Variants in ATP13A2 observed in about 807,000 individuals in gnomAD.
ATP13A2 encodes ATPase cation transporting 13A2.
A neutral mutation model predicts 138.3 loss-of-function variants in ATP13A2; 83 were observed. That is an observed-to-expected ratio of 0.60 (90% confidence interval 0.50 to 0.72). ATP13A2 has a LOEUF of 0.72. ATP13A2 is among the 30% of genes least tolerant of loss of function. The pLI is 0.00. For synonymous variants in ATP13A2, 663 were observed against 699.0 expected (o/e 0.95, Z 0.81); for missense variants, 1,402 against 1,606.4 (o/e 0.87, Z 2.17).
At chr1:17,002,272 AC>A in intron 7 of ATP13A2, 23 bp downstream of exon 7, 1 of 1,610,710 alleles carries the variant, frequency 6.2e-7, no homozygotes, top group African/African-American at 1.3e-5. Flanking sequence ...TTCTCAGGGC[AC>A]CCCGGTCCAG....
Position 17,004,967 on chromosome 1 carries a change from G to A in ATP13A2, c.347+47C>T, listed in dbSNP as rs747461353. 6.2e-7 allele frequency: 1 copy of A among 1,612,472 alleles called. No individual in the cohort carries two copies. Among genetic ancestry groups the A allele is most frequent in the Non-Finnish European group, 8.5e-7 (1 of 1,179,520 alleles). ...GCCGAGGGTTGGGGAAGTTGGGGAG[G>A]CCAGGGTAGCAGGGGCTTCTGGGAA... On this transcript the variant is annotated intron_variant, in intron 4 of 28. Coordinates refer to ENST00000326735, the MANE Select transcript of ATP13A2 (RefSeq NM_022089.4). This position sits in a 1 kb window ranked among gnomAD's most constrained non-coding sequence, Gnocchi z 4.1.
chr1:16,986,547 C>A lies in ATP13A2; in HGVS notation c.3321G>T (p.Ala1107=), dbSNP rs751916254. The A allele has an allele frequency of 1.2e-5, 20 of 1,612,394 alleles. No homozygotes were observed. Among genetic ancestry groups the A allele is most frequent in the Non-Finnish European group, 1.5e-5 (18 of 1,179,854 alleles). The change falls in exon 28 of 29, where the codon GCG becomes GCT. Residue 1107 remains alanine (A), a synonymous_variant. Transcript: ENST00000326735. This position sits in a 1 kb window ranked among gnomAD's most constrained non-coding sequence, Gnocchi z 6.9. ...AGCCGGTGTCAGTGATGTTCCTCAG[C>A]GCCAGCGGCCCCTGCAGGAGGCCGG... The part of the protein sequence containing the change: ...LVPGLLQGPL[A]LRNITDTGFK...
intron 8 of ATP13A2, among the ~76,000 whole-genome samples, chr1:17,001,586 G>A (rs2077358347): frequency 6.6e-6 from 1 of 152,186 alleles, no homozygotes; most frequent in South Asian, 2.1e-4. Flanking sequence ...CCAGGTCACT[G>A]GCTTCTCTTT....
At chr1:17,005,638 G>A (rs369237314) in intron 2 of ATP13A2, 46 bp downstream of exon 2, 23 of 1,612,480 alleles carry the variant, frequency 1.4e-5, no homozygotes, top group Non-Finnish European at 1.9e-5. Context: ...GTGGGCCTGG[G>A]CATTCACCCC....
Position 17,011,124 on chromosome 1 carries a change from C to T in ATP13A2, c.10+605G>A, listed in dbSNP as rs549777522. ...CCCGGCAGGTGGGATTTAAATTAGACCCTGGAGGAGTGGGCGTAGGACATC... is the reference window on the plus strand; with the variant it reads ...CCCGGCAGGTGGGATTTAAATTAGATCCTGGAGGAGTGGGCGTAGGACATC... On this transcript the variant is annotated intron_variant, in intron 1 of 28. Transcript: ENST00000326735. This position sits in a 1 kb window ranked among gnomAD's most constrained non-coding sequence, Gnocchi z 7.3. Among the ~76,000 whole-genome samples the T allele has an allele frequency of 8.4e-4, 128 of 152,142 alleles. 1 individual carries two copies. The highest frequency in any genetic ancestry group is 3.0e-3 in the African/African-American group (123 of 41,504).
chr1:16,999,528 T>G (rs1313035801), intron 11 of ATP13A2, among the ~76,000 whole-genome samples: 2 of 152,006 alleles, frequency 1.3e-5, no homozygotes, highest in East Asian at 3.9e-4. Context: ...AAGAAGGAAC[T>G]GAGGCACGGA....
Position 16,996,872 on chromosome 1 carries a change from G to GA in ATP13A2, c.1195+147_1195+148insT, listed in dbSNP as rs1553168857. On this transcript the variant is annotated intron_variant, in intron 12 of 28. Coordinates refer to ENST00000326735, the MANE Select transcript of ATP13A2 (RefSeq NM_022089.4). ...AGATGGGAATGCTCAGACCCCAGATGGGGGGCAACTGGCCCGAGGTCCCAC... is the reference window on the plus strand; with the variant it reads ...AGATGGGAATGCTCAGACCCCAGATGAGGGGGCAACTGGCCCGAGGTCCCAC... 1.0e-5 allele frequency: 10 copies of GA among 965,190 alleles called. No homozygotes were observed. In the Admixed American group the frequency reaches 1.2e-4, roughly 12 times the overall value. 59.8% of individuals were successfully genotyped at this position (965,190 alleles called of 1,614,324 possible).
intron 15 of ATP13A2, among the ~76,000 whole-genome samples, chr1:16,994,197 C>CTCTCTCTCTCTCTCTCATTT (rs762110883): frequency 2.4e-4 from 35 of 147,414 alleles, no homozygotes; most frequent in African/African-American, 7.4e-4. Context: ...CTCTCTCTCT[C>CTCTCTCTCTCTCTCTCATTT]ATTTATTTAT....
At chr1:16,994,197 C>CTCTCTCTCATTTATTT (rs762110883) in intron 15 of ATP13A2, among the ~76,000 whole-genome samples, 2 of 147,414 alleles carry the variant, frequency 1.4e-5, no homozygotes, top group East Asian at 2.1e-4. Flanking sequence ...CTCTCTCTCT[C>CTCTCTCTCATTTATTT]ATTTATTTAT....
chr1:17,004,999 A>G lies in ATP13A2; in HGVS notation c.347+15T>C, dbSNP rs760597434. On this transcript the variant is annotated intron_variant, in intron 4 of 28. Transcript: ENST00000326735. This position sits in a 1 kb window ranked among gnomAD's most constrained non-coding sequence, Gnocchi z 4.1. ...TAGCAGGGGCTTCTGGGAAGGGGCAATGGGGCTGCCTCACCTGCCCTCGCC... is the reference window on the plus strand; with the variant it reads ...TAGCAGGGGCTTCTGGGAAGGGGCAGTGGGGCTGCCTCACCTGCCCTCGCC... 7 of 1,613,642 alleles carry G rather than the reference A, an allele frequency of 4.3e-6. No homozygotes were observed. Among genetic ancestry groups the G allele is most frequent in the Non-Finnish European group, 5.1e-6 (6 of 1,179,952 alleles).
chr1:17,003,585 C>CCACAAA (rs1553171560), intron 6 of ATP13A2, among the ~76,000 whole-genome samples: 1 of 132,988 alleles, frequency 7.5e-6, no homozygotes, highest in Non-Finnish European at 1.6e-5. Flanking sequence ...ACCAAAAAAA[C>CCACAAA]CACACACACA....
intron 20 of ATP13A2, among the ~76,000 whole-genome samples, chr1:16,991,148 A>C (rs987528177): frequency 2.0e-5 from 3 of 151,988 alleles, no homozygotes; most frequent in African/African-American, 7.3e-5. Context: ...ACGGGGTTTC[A>C]CTATGTTGGC....
At chr1:17,005,339 C>T (rs536412257) in intron 3 of ATP13A2, 35 bp downstream of exon 3, 96 of 1,566,294 alleles carry the variant, frequency 6.1e-5, no homozygotes, top group South Asian at 4.6e-5. Context: ...ACCCTCACTG[C>T]GCTTCTCTAG....
chr1:17,008,541 G>A (rs539794334), intron 1 of ATP13A2, among the ~76,000 whole-genome samples: 7 of 152,252 alleles, frequency 4.6e-5, no homozygotes, highest in South Asian at 2.1e-4. Flanking sequence ...TCAGGGGGGC[G>A]TGGCTTCTGC....
rs2100725900 is a variant in ATP13A2 at position 16,989,962 on chromosome 1, G to A, written c.2454C>T (p.Pro818=). The change falls in exon 22 of 29, where the codon CCC becomes CCT. Residue 818 remains proline, a synonymous_variant. Transcript: ENST00000326735. ...QAASYTVEPD[P]RSRHLALSGP... is the part of the protein sequence containing the mutation. ...CGCTGAGGGCCAGGTGCCTGGATCG[G>A]GGGTCTGGCTCCACGGTGTAGCTTG... 6.2e-7 allele frequency: 1 copy of A among 1,607,710 alleles called. No individual in the cohort carries two copies. Among genetic ancestry groups the A allele is most frequent in the African/African-American group, 1.3e-5 (1 of 74,976 alleles).
Position 17,011,903 on chromosome 1 carries a change from A to G in ATP13A2, c.-165T>C, listed in dbSNP as rs1444827042. 6 of 559,028 alleles carry G rather than the reference A, an allele frequency of 1.1e-5. No individual in the cohort carries two copies. In the African/African-American group the frequency reaches 1.2e-4, roughly 11 times the overall value. The allele number at this position is 559,028 out of a possible 1,614,324, so 34.6% of individuals were successfully genotyped here. A position where few individuals can be genotyped will look rare whatever the true frequency, so the allele number is the denominator to read the frequency against. ...CTGACGCGGGCGGGGCACCTGGGCC[A>G]CCAGGCTCGGCGCGGCTCCGACACT... On this transcript the variant is annotated 5_prime_UTR_variant, in exon 1 of 29. Transcript: ENST00000326735. The surrounding 1 kb of genome is among the most constrained non-coding windows in gnomAD (Gnocchi z 7.3).
At position 16,986,679 on chromosome 1, in the gene ATP13A2, C is replaced by G; in HGVS notation, c.3236-47G>C. On this transcript the variant is annotated intron_variant, in intron 27 of 28. Transcript: ENST00000326735. This position sits in a 1 kb window ranked among gnomAD's most constrained non-coding sequence, Gnocchi z 6.9. ...AGGCAGGAGCCACGCCCCCCCGGCA[C>G]CCACAGACACACGTGTGCACGCCAG... 1 of 1,575,180 alleles carries G rather than the reference C, an allele frequency of 6.3e-7. No individual in the cohort carries two copies. The highest frequency in any genetic ancestry group is 8.6e-7 in the Non-Finnish European group (1 of 1,165,080).
chr1:16,991,957 G>C (rs371639500), intron 19 of ATP13A2, 52 bp downstream of exon 19: 6 of 1,608,972 alleles, frequency 3.7e-6, no homozygotes, highest in Non-Finnish European at 4.3e-6. Context: ...GCCTGCGTGA[G>C]AGCCTCCCTC....
rs760326968 is a variant in ATP13A2, at chr1:16,996,486, C to T, written c.1206G>A (p.Thr402=). ...TGGAGCTCACCAGGCCCCCTTTTGC[C>T]GTGCAGAACCCTGGGGAGGAGGCGG... ...LAVVTRTGFC[T]AKGGLVSSIL... is the part of the protein sequence containing the mutation. The change falls in exon 13 of 29, where the codon ACG becomes ACA. Residue 402 remains threonine, a synonymous_variant. Coordinates refer to ENST00000326735, the MANE Select transcript of ATP13A2 (RefSeq NM_022089.4). 23 of 1,613,840 alleles carry T rather than the reference C, an allele frequency of 1.4e-5. No homozygotes were observed. Among genetic ancestry groups the T allele is most frequent in the East Asian group, 4.5e-5 (2 of 44,882 alleles).
Sources: allele counts gnomAD v4.1 joint callset (sites outside exome capture counted in the v4.1 genomes callset), GRCh38; gene constraint gnomAD v4.1.1; non-coding constraint Gnocchi (gnomAD v3.1); transcripts MANE v1.5; gene names NCBI Gene and HGNC (gene_info 2026-07-23, HGNC 2026-07-21).